PIGG: variants seen among roughly 807,000 people sequenced by gnomAD.
The protein encoded by PIGG is phosphatidylinositol glycan anchor biosynthesis class G (EMM blood group), also known as GPI ethanolamine phosphate transferase 2, catalytic subunit.
PIGG carries 70 observed loss-of-function variants against 83.2 expected under a neutral mutation model. That is an observed-to-expected ratio of 0.84 (90% confidence interval 0.69 to 1.03). The LOEUF is 1.03. PIGG is among the 50% of genes least tolerant of loss of function. The pLI is 0.00. For synonymous variants in PIGG, 532 were observed against 519.5 expected (o/e 1.02, Z -0.33); for missense variants, 1,257 against 1,233.6 (o/e 1.02, Z -0.28).
chr4:510,210 G>A (rs1721411713), intron 5 of PIGG, among the ~76,000 whole-genome samples: 2 of 152,208 alleles, frequency 1.3e-5, no homozygotes, highest in Non-Finnish European at 2.9e-5. Flanking sequence ...CGGCAAACCA[G>A]TCATTAGCAT....
intron 12 of PIGG, chr4:537,464 C>T (rs1480316049): frequency 6.6e-6 from 1 of 152,320 alleles, no homozygotes; most frequent in Non-Finnish European, 1.5e-5. Context: ...CCACGGCCCA[C>T]TTAGCCACGA....
chr4:521,338 ATAGTTTT>A, intron 7 of PIGG, 65 bp downstream of exon 7: 1 of 973,180 alleles, frequency 1.0e-6, no homozygotes, highest in Non-Finnish European at 1.5e-6. Context: ...CCAAATATTT[ATAGTTTT>A]AAATATATAT....
chr4:521,320 TAACTC>T (rs1170490744), intron 7 of PIGG, 47 bp downstream of exon 7: 3 of 1,237,006 alleles, frequency 2.4e-6, no homozygotes, highest in Middle Eastern at 2.5e-4. Context: ...ATTGATTTGA[TAACTC>T]AGCCAAATAT....
At chr4:533,481 T>A in intron 11 of PIGG, 1 of 237,868 alleles carries the variant, frequency 4.2e-6, no homozygotes. Context: ...CTTAAGTCGA[T>A]GGGTCTGGAC....
At chr4:520,675 G>C (rs187455797) in intron 6 of PIGG, among the ~76,000 whole-genome samples, 17 of 152,338 alleles carry the variant, frequency 1.1e-4, no homozygotes, top group Admixed American at 4.6e-4. Flanking sequence ...ATGCATTTCA[G>C]GATTGTTTTT....
At chr4:521,547 C>G (rs1725883887) in intron 7 of PIGG, 113 bp from the exon 8 acceptor site, 1 of 1,042,794 alleles carries the variant, frequency 9.6e-7, no homozygotes, top group Non-Finnish European at 1.4e-6. Context: ...CCTGAGCTTG[C>G]TTTTCTGTTT....
intron 1 of PIGG, chr4:499,787 C>G (rs1553874541): frequency 8.1e-7 from 1 of 1,232,812 alleles, no homozygotes; most frequent in East Asian, 3.7e-5. Flanking sequence ...AGCTCCCGCC[C>G]CTTTCCTGAG....
In PIGG at chr4:499,295, C is replaced by A. The variant is rs1370884778; in HGVS notation, c.-41C>A. On this transcript the variant is annotated 5_prime_UTR_variant, in exon 1 of 13. Coordinates refer to ENST00000453061, the MANE Select transcript of PIGG (RefSeq NM_001127178.3). ...AGCGCGGCTGCAGCAGGGCGAGGCT[C>A]CAGGTGGGGTCGGTTCCGCATCCAG... 2 of 1,593,972 alleles carry A rather than the reference C, an allele frequency of 1.3e-6. No homozygotes were observed. Among genetic ancestry groups the A allele is most frequent in the Non-Finnish European group, 1.7e-6 (2 of 1,175,932 alleles).
At chr4:503,214 G>A (rs1051347384) in intron 2 of PIGG, among the ~76,000 whole-genome samples, 3 of 152,138 alleles carry the variant, frequency 2.0e-5, no homozygotes, top group Non-Finnish European at 2.9e-5. Context: ...TGCCACCACC[G>A]TCGTCCAGGC....
intron 12 of PIGG, among the ~76,000 whole-genome samples, chr4:534,863 C>T (rs960451635): frequency 2.0e-5 from 3 of 151,508 alleles, no homozygotes; most frequent in South Asian, 2.1e-4. Context: ...AAGTTCCCCC[C>T]GGGGGACCCC....
At chr4:506,562 C>T (rs557549071) in intron 3 of PIGG, among the ~76,000 whole-genome samples, 67 of 152,276 alleles carry the variant, frequency 4.4e-4, no homozygotes, top group Non-Finnish European at 7.5e-4. Context: ...CAAAGTGGGG[C>T]GCTTTTCAAC....
At chr4:499,705 T>G in intron 1 of PIGG, 1 of 1,393,544 alleles carries the variant, frequency 7.2e-7, no homozygotes, top group Non-Finnish European at 9.3e-7. Flanking sequence ...CACTTCGACC[T>G]TCCTTCCTGA....
At chr4:519,971 C>T (rs1343712656) in intron 6 of PIGG, among the ~76,000 whole-genome samples, 2 of 85,974 alleles carry the variant, frequency 2.3e-5, no homozygotes, top group African/African-American at 4.3e-5. Flanking sequence ...CTGCAGCAGT[C>T]GGGTGTGCTT....
In PIGG at chr4:516,062, G is replaced by A. The variant is rs767600730; in HGVS notation, c.991G>A (p.Val331Ile). ...TGGCTTACCGATTCCAAAAGACAGTGTAGGGAGCCTCCTATTCCCAGTTGT... is the reference window on the plus strand; with the variant it reads ...TGGCTTACCGATTCCAAAAGACAGTATAGGGAGCCTCCTATTCCCAGTTGT... ...ALGLPIPKDSVGSLLFPVVEG... is the reference protein window; with the variant it reads ...ALGLPIPKDSIGSLLFPVVEG... The change falls in exon 6 of 13, where the codon GTA becomes ATA. Residue 331 changes from valine (V) to isoleucine (I), a missense_variant. Transcript: ENST00000453061. The A allele has an allele frequency of 1.2e-6, 2 of 1,614,122 alleles. No homozygotes were observed. Among genetic ancestry groups the A allele is most frequent in the South Asian group, 1.1e-5 (1 of 91,078 alleles).
At chr4:538,437 A>G (rs1265892810) in intron 12 of PIGG, among the ~76,000 whole-genome samples, 2 of 152,154 alleles carry the variant, frequency 1.3e-5, no homozygotes, top group Non-Finnish European at 2.9e-5. Flanking sequence ...GCAGGGAGAA[A>G]AGCTCAGAAC....
At chr4:539,121 G>A in intron 12 of PIGG, 32 bp from the exon 13 acceptor site, 1 of 1,349,824 alleles carries the variant, frequency 7.4e-7, no homozygotes, top group South Asian at 1.2e-5. Flanking sequence ...TAAGTGGCAT[G>A]TGCTAATACA....
intron 2 of PIGG, among the ~76,000 whole-genome samples, chr4:504,424 C>A (rs1718880488): frequency 6.6e-6 from 1 of 152,176 alleles, no homozygotes; most frequent in African/African-American, 2.4e-5. Flanking sequence ...TGGGCACTTG[C>A]TGTTCTTACT....
rs1475791093 is a variant in PIGG at position 516,100 on chromosome 4, A to G, written c.1029A>G (p.Pro343=). 1 of 1,613,842 alleles carries G rather than the reference A, an allele frequency of 6.2e-7. No homozygotes were observed. Among genetic ancestry groups the G allele is most frequent in the Non-Finnish European group, 8.5e-7 (1 of 1,179,802 alleles). The change falls in exon 6 of 13, where the codon CCA becomes CCG. Residue 343 remains proline, a synonymous_variant. Coordinates refer to ENST00000453061, the MANE Select transcript of PIGG (RefSeq NM_001127178.3). ...SLLFPVVEGR[P]MREQLRFLHL... is the part of the protein sequence containing the mutation. ...TATTCCCAGTTGTGGAAGGAAGACC[A>G]ATGAGAGAGCAGTTGAGATTTTTAC...
At chr4:512,125 T>C (rs1236167862) in intron 5 of PIGG, among the ~76,000 whole-genome samples, 3 of 152,192 alleles carry the variant, frequency 2.0e-5, no homozygotes, top group Admixed American at 6.5e-5. Context: ...ATAATCTCTA[T>C]TGATCTATCT....
Sources: allele counts gnomAD v4.1 joint callset (sites outside exome capture counted in the v4.1 genomes callset), GRCh38; gene constraint gnomAD v4.1.1; transcripts MANE v1.5; gene names NCBI Gene and HGNC (gene_info 2026-07-23, HGNC 2026-07-21).